POLR1A: variants seen among roughly 807,000 people sequenced by gnomAD.
POLR1A encodes RNA polymerase I subunit A.
A neutral mutation model predicts 205.3 loss-of-function variants in POLR1A; 84 were observed. That is an observed-to-expected ratio of 0.41 (90% CI 0.34 to 0.49). The LOEUF is 0.49. Ranked by LOEUF, POLR1A falls within the 20% of genes least tolerant of loss-of-function variation. The probability of loss-of-function intolerance (pLI) is 0.22; values close to 1 mark genes in which losing one functional copy is unlikely to be tolerated. For missense variants in POLR1A, 1,645 were observed against 2,204.5 expected (o/e 0.75, Z 5.08); for synonymous variants, 799 against 863.7 (o/e 0.93, Z 1.31).
rs772372874 is a variant in POLR1A, at chr2:86,038,696, T to C, written c.4034+4A>G. 6.2e-7 allele frequency: 1 copy of C among 1,613,062 alleles called. No individual in the cohort carries two copies. The highest frequency in any genetic ancestry group is 1.1e-5 in the South Asian group (1 of 91,014). On this transcript the variant is annotated splice_donor_region_variant and intron_variant, in intron 27 of 33. Coordinates refer to ENST00000263857, the MANE Select transcript of POLR1A (RefSeq NM_015425.6). ...TCAATGACAATCACAGCCTGAGCCC[T>C]GACCTTGTTTCCATGAAGCGCAGGA...
intron 14 of POLR1A, among the ~76,000 whole-genome samples, chr2:86,063,134 G>A (rs1170861358): frequency 6.6e-6 from 1 of 151,942 alleles, no homozygotes; most frequent in Admixed American, 6.6e-5. Context: ...TTGGGAGTTC[G>A]AGCCCAGCCT....
chr2:86,065,173 C>G, intron 14 of POLR1A, 101 bp downstream of exon 14: 4 of 1,079,088 alleles, frequency 3.7e-6, no homozygotes, highest in Non-Finnish European at 5.4e-6. Flanking sequence ...CTGGCTTAGC[C>G]ATTTCTCTGT....
Position 86,031,496 on chromosome 2 carries a change from T to C in POLR1A, c.4412A>G (p.Glu1471Gly), listed in dbSNP as rs61731718. Residue 1471 changes from glutamate to glycine, a missense_variant, in exon 30 of 34, where the codon GAG becomes GGG. Around this residue, in one of 16 missense-constraint regions of POLR1A, gnomAD observed 394 missense variants for 468.5 expected, o/e 0.84. Transcript: ENST00000263857. ...GAGGGCGGGAAGGGACGGGTCCTCCTCAGTGCCTAAGCCCACCTCTTCATC... is the reference window on the plus strand; with the variant it reads ...GAGGGCGGGAAGGGACGGGTCCTCCCCAGTGCCTAAGCCCACCTCTTCATC... ...EQDEEVGLGTEEDPSLPALLT... is the reference protein window; with the variant it reads ...EQDEEVGLGTGEDPSLPALLT... 4.6e-4 allele frequency: 746 copies of C among 1,614,196 alleles called. 2 individuals are homozygous for C. The African/African-American group carries it at 6.6e-3, about 14-fold the overall frequency.
chr2:86,041,834 G>A, intron 24 of POLR1A, 55 bp downstream of exon 24: 2 of 1,470,570 alleles, frequency 1.4e-6, no homozygotes, highest in Non-Finnish European at 1.9e-6. Flanking sequence ...CTAGGAGGCA[G>A]GGGCTAGGAG....
rs770969256 is a variant in POLR1A, at chr2:86,070,295, G to A, written c.1612-23C>T. On this transcript the variant is annotated intron_variant, in intron 12 of 33. Transcript: ENST00000263857. This position sits in a 1 kb window ranked among gnomAD's most constrained non-coding sequence, Gnocchi z 4.4. ...CACCTGGGAACAGAGTGGACAGGTG[G>A]GTGATCAGTGCAAACGTCAGTATCA... 20 of 1,588,648 alleles carry A rather than the reference G, an allele frequency of 1.3e-5. No individual in the cohort carries two copies. The South Asian group carries it at 2.3e-4, about 18-fold the overall frequency.
chr2:86,099,356 T>TAAA (rs1183556765), intron 2 of POLR1A, among the ~76,000 whole-genome samples: 1 of 128,304 alleles, frequency 7.8e-6, no homozygotes, highest in Non-Finnish European at 1.7e-5. Flanking sequence ...GACACTGTCT[T>TAAA]AAAAAAAAAA....
chr2:86,091,806 T>C (rs1673612577), intron 3 of POLR1A, among the ~76,000 whole-genome samples: 2 of 152,104 alleles, frequency 1.3e-5, no homozygotes, highest in Non-Finnish European at 2.9e-5. Context: ...CTCTGTTCCC[T>C]CATAAATGCA....
chr2:86,046,893 A>C (rs1210728370), intron 19 of POLR1A, among the ~76,000 whole-genome samples: 15 of 152,210 alleles, frequency 9.9e-5, no homozygotes, highest in Admixed American at 9.8e-4. Context: ...GTGAGTATAC[A>C]TAATTTATCT....
Position 86,053,013 on chromosome 2 carries a change from A to T in POLR1A, c.2209-13T>A. 1.9e-6 allele frequency: 3 copies of T among 1,547,448 alleles called. No homozygotes were observed. In the South Asian group the frequency reaches 3.6e-5, roughly 19 times the overall value. On this transcript the variant is annotated splice_polypyrimidine_tract_variant and intron_variant, in intron 15 of 33. Transcript: ENST00000263857. The stretch of plus-strand genomic sequence containing the variant: ...CCCTGATGATCACCTGCAGAGGGCA[A>T]GGCCACCAATGCCGGGCTGCGGGTG...
chr2:86,065,157 C>G, intron 14 of POLR1A, 117 bp downstream of exon 14: 2 of 949,260 alleles, frequency 2.1e-6, no homozygotes, highest in Non-Finnish European at 3.2e-6. Context: ...GAAAGTCAGA[C>G]TATTGCTGGC....
intron 27 of POLR1A, 118 bp downstream of exon 27, chr2:86,038,582 G>A: frequency 5.4e-6 from 5 of 931,034 alleles, no homozygotes; most frequent in Non-Finnish European, 8.3e-6. Context: ...TTCCCTTGAA[G>A]GGCTCATTTG....
intron 14 of POLR1A, among the ~76,000 whole-genome samples, chr2:86,056,002 T>C (rs890697523): frequency 6.6e-6 from 1 of 152,136 alleles, no homozygotes; most frequent in Non-Finnish European, 1.5e-5. Flanking sequence ...CATTTGCAGA[T>C]GACATGATAT....
At chr2:86,081,509 T>G (rs892394843) in intron 8 of POLR1A, 92 bp downstream of exon 8, 1 of 736,500 alleles carries the variant, frequency 1.4e-6, no homozygotes, top group African/African-American at 1.8e-5. Context: ...TGTCTCTCAG[T>G]GCCCTTGGCC....
At chr2:86,079,604 C>A (rs1673359758) in intron 9 of POLR1A, among the ~76,000 whole-genome samples, 2 of 152,026 alleles carry the variant, frequency 1.3e-5, no homozygotes, top group East Asian at 3.9e-4. Context: ...ACTCTGTTAC[C>A]CAGGCTGGAG....
At chr2:86,073,842 G>A (rs188863741) in intron 12 of POLR1A, among the ~76,000 whole-genome samples, 70 of 152,282 alleles carry the variant, frequency 4.6e-4, no homozygotes, top group African/African-American at 1.7e-3. Flanking sequence ...TTGTGAGTCT[G>A]TTTCACATGT....
At chr2:86,027,839 G>C in intron 33 of POLR1A, 46 bp downstream of exon 33, 1 of 1,603,428 alleles carries the variant, frequency 6.2e-7, no homozygotes. Context: ...CGTGTGCCCA[G>C]AGTCGTCAGT....
intron 1 of POLR1A, among the ~76,000 whole-genome samples, chr2:86,102,942 G>A (rs1264379783): frequency 6.6e-6 from 1 of 152,228 alleles, no homozygotes; most frequent in African/African-American, 2.4e-5. Context: ...AGGACTGAAA[G>A]TGCCAAGCAC....
Position 86,081,711 on chromosome 2 carries a change from G to T in POLR1A, c.818-5C>A. 1.3e-6 allele frequency: 2 copies of T among 1,570,198 alleles called. No individual in the cohort carries two copies. Among genetic ancestry groups the T allele is most frequent in the Non-Finnish European group, 1.7e-6 (2 of 1,144,104 alleles). On this transcript the variant is annotated splice_region_variant and splice_polypyrimidine_tract_variant and intron_variant, in intron 7 of 33. Transcript: ENST00000263857. ...AAAGGTAGTTCAGAAAGAATCCTGCGTTGGAAAGAAATAAACCAAGAAGAC... is the reference window on the plus strand; with the variant it reads ...AAAGGTAGTTCAGAAAGAATCCTGCTTTGGAAAGAAATAAACCAAGAAGAC...
At chr2:86,093,736 G>A (rs1673652499) in intron 3 of POLR1A, among the ~76,000 whole-genome samples, 1 of 152,158 alleles carries the variant, frequency 6.6e-6, no homozygotes, top group African/African-American at 2.4e-5. Context: ...AGGCTGAGGT[G>A]GGAGATCGCT....
Sources: allele counts gnomAD v4.1 joint callset (sites outside exome capture counted in the v4.1 genomes callset), GRCh38; gene constraint gnomAD v4.1.1; regional missense constraint gnomAD v4.1.1; non-coding constraint Gnocchi (gnomAD v3.1); transcripts MANE v1.5; gene names NCBI Gene and HGNC (gene_info 2026-07-23, HGNC 2026-07-21).